Variants in ETF1 observed in about 807,000 individuals in gnomAD.
ETF1 encodes eukaryotic peptide chain release factor subunit 1.
In ETF1, 4 loss-of-function variants were observed where a neutral mutation model predicts 55.1. That is an observed-to-expected ratio of 0.07 (90% confidence interval 0.04 to 0.17). The LOEUF (loss-of-function observed/expected upper bound fraction) is 0.17. Ranked by LOEUF, ETF1 falls within the 10% of genes least tolerant of loss-of-function variation. The pLI is 1.00. For missense variants in ETF1, 142 were observed against 523.6 expected, an observed-to-expected ratio of 0.27 and a Z score of 7.11; for synonymous variants, 157 against 182.3, an observed-to-expected ratio of 0.86 and a Z score of 1.12.
At chr5:138,523,115 T>C (rs1007745483) in intron 2 of ETF1, among the ~76,000 whole-genome samples, 1 of 152,168 alleles carries the variant, frequency 6.6e-6, no homozygotes, top group African/African-American at 2.4e-5. Flanking sequence ...ACGCCTGTAA[T>C]CCCAGCATTT....
chr5:138,512,248 ATATATATATATTTTTT>A (rs1764837210), intron 6 of ETF1, among the ~76,000 whole-genome samples: 1 of 11,862 alleles, frequency 8.4e-5, no homozygotes, highest in Non-Finnish European at 1.6e-4. Context: ...ATATATATAT[ATATATATATATTTTTT>A]TTTTTTTTTA....
chr5:138,529,970 T>G (rs1456712903), intron 2 of ETF1, among the ~76,000 whole-genome samples: 1 of 152,086 alleles, frequency 6.6e-6, no homozygotes, highest in East Asian at 1.9e-4. Flanking sequence ...CACGAACTCT[T>G]GGGCCCAAAC....
chr5:138,529,116 G>C (rs905300695), intron 2 of ETF1, among the ~76,000 whole-genome samples: 1 of 152,026 alleles, frequency 6.6e-6, no homozygotes. Context: ...GTGACAGAGC[G>C]AGACTCCATC....
intron 8 of ETF1, 64 bp from the exon 9 acceptor site, chr5:138,510,693 A>AT: frequency 1.3e-6 from 2 of 1,591,870 alleles, no homozygotes; most frequent in Non-Finnish European, 1.7e-6. Context: ...TGTAAGCTCC[A>AT]TAAGATGAGG....
At chr5:138,509,993 G>C (rs895415247) in intron 9 of ETF1, among the ~76,000 whole-genome samples, 4 of 151,070 alleles carry the variant, frequency 2.6e-5, no homozygotes, top group Admixed American at 2.6e-4. Context: ...CCAGGGGTTC[G>C]AGGTTATAGT....
chr5:138,510,697 G>C (rs1006139533), intron 8 of ETF1, 68 bp from the exon 9 acceptor site: 1 of 1,573,132 alleles, frequency 6.4e-7, no homozygotes, highest in African/African-American at 1.4e-5. Context: ...AGCTCCATAA[G>C]ATGAGGTTAG....
intron 2 of ETF1, among the ~76,000 whole-genome samples, chr5:138,537,215 C>T (rs574318952): frequency 3.0e-4 from 45 of 152,298 alleles, no homozygotes; most frequent in African/African-American, 1.1e-3. Context: ...CCCTTTACTA[C>T]CTCTTTTCTC....
At chr5:138,512,254 ATATATT>A (rs1483834628) in intron 6 of ETF1, among the ~76,000 whole-genome samples, 1 of 17,912 alleles carries the variant, frequency 5.6e-5, no homozygotes, top group Non-Finnish European at 9.1e-5. Flanking sequence ...ATATATATAT[ATATATT>A]TTTTTTTTTT....
intron 1 of ETF1, 40 bp from the exon 2 acceptor site, chr5:138,542,976 A>C: frequency 6.3e-7 from 1 of 1,585,596 alleles, no homozygotes; most frequent in Non-Finnish European, 8.6e-7. Context: ...CCAAGACCAC[A>C]GAGTTAGCGC....
intron 9 of ETF1, among the ~76,000 whole-genome samples, chr5:138,509,635 C>G (rs886649420): frequency 6.6e-6 from 1 of 152,088 alleles, no homozygotes. Flanking sequence ...TGGCTCACGC[C>G]TGTAATCCCA....
In ETF1 at chr5:138,541,750, CCAAA is replaced by C. The variant is rs1310602124; in HGVS notation, c.86+1079_86+1082del. On this transcript the variant is annotated intron_variant, in intron 2 of 10. Transcript: ENST00000360541. ...AGACATACAAGTATGTAATAATGTT[CCAAA>C]CACTTTTTTTTGGGGGGGGGGGCAC... 3.3e-5 allele frequency: 29 copies of C among 888,552 alleles called. No individual in the cohort carries two copies. The South Asian group carries it at 6.7e-4, about 20-fold the overall frequency. The allele number at this position is 888,552 out of a possible 1,614,324, so 55.0% of individuals were successfully genotyped here. A position where few individuals can be genotyped will look rare whatever the true frequency, so the allele number is the denominator to read the frequency against.
rs1764655549 is a variant in ETF1 at position 138,508,891 on chromosome 5, C to T, written c.1084-75G>A. ...GGCTAATTAGTCCCTCTCACAGCCC[C>T]TTGCCCACCTATCACTCTCATCCTC... On this transcript the variant is annotated intron_variant, in intron 9 of 10. Coordinates refer to ENST00000360541, the MANE Select transcript of ETF1 (RefSeq NM_004730.4). 1.9e-6 allele frequency: 3 copies of T among 1,546,304 alleles called. No homozygotes were observed. The East Asian group carries it at 6.8e-5, about 35-fold the overall frequency.
At chr5:138,512,258 A>ATATATATTTTTT (rs1484458741) in intron 6 of ETF1, among the ~76,000 whole-genome samples, 4 of 20,006 alleles carry the variant, frequency 2.0e-4, no homozygotes, top group Non-Finnish European at 1.7e-4. Context: ...ATATATATAT[A>ATATATATTTTTT]TTTTTTTTTT....
At chr5:138,533,657 G>C (rs932030732) in intron 2 of ETF1, among the ~76,000 whole-genome samples, 1 of 152,132 alleles carries the variant, frequency 6.6e-6, no homozygotes, top group African/African-American at 2.4e-5. Flanking sequence ...CTGCACTCCA[G>C]CCTGGAGACA....
intron 2 of ETF1, among the ~76,000 whole-genome samples, chr5:138,527,246 TTC>T (rs1228881832): frequency 3.9e-5 from 6 of 152,150 alleles, no homozygotes; most frequent in Non-Finnish European, 5.9e-5. Context: ...AAAATCAGAA[TTC>T]TGTTTGGGTG....
intron 4 of ETF1, among the ~76,000 whole-genome samples, chr5:138,515,494 A>C (rs1419951689): frequency 6.6e-6 from 1 of 152,224 alleles, no homozygotes; most frequent in African/African-American, 2.4e-5. Context: ...TAGCCTTATC[A>C]AAATGACCCG....
At chr5:138,531,031 T>C (rs1765678974) in intron 2 of ETF1, among the ~76,000 whole-genome samples, 1 of 152,154 alleles carries the variant, frequency 6.6e-6, no homozygotes, top group Non-Finnish European at 1.5e-5. Flanking sequence ...ATTTACCCTA[T>C]GCTATGGTTT....
intron 2 of ETF1, among the ~76,000 whole-genome samples, chr5:138,537,895 A>AT (rs1037475974): frequency 9.8e-4 from 106 of 108,114 alleles, no homozygotes; most frequent in Middle Eastern, 7.4e-3. Flanking sequence ...TATTATTATT[A>AT]TTTTTTTTTT....
chr5:138,542,396 G>A (rs1766216703), intron 2 of ETF1, among the ~76,000 whole-genome samples: 1 of 152,170 alleles, frequency 6.6e-6, no homozygotes, highest in Non-Finnish European at 1.5e-5. Context: ...AAGCCCAGAA[G>A]GGAGAGGCCA....
Sources: gnomAD v4.1 joint callset for allele counts (sites outside exome capture counted in the v4.1 genomes callset) on GRCh38, gnomAD v4.1.1 for gene constraint, MANE v1.5 for transcripts, NCBI Gene and HGNC (gene_info 2026-07-23, HGNC 2026-07-21) for gene names.